The following EML4 variants were observed in gnomAD, a reference collection of about 807,000 sequenced individuals.
EML4 encodes the protein echinoderm microtubule-associated protein-like 4.
EML4 carries 72 observed loss-of-function variants against 129.0 expected under a neutral mutation model. The observed-to-expected ratio is 0.56, with a 90% CI of 0.46 to 0.68. The LOEUF (loss-of-function observed/expected upper bound fraction) is 0.68, where lower values mean the gene tolerates loss of function less well. EML4 is among the 30% of genes least tolerant of loss of function. EML4 has a pLI of 0.00. For missense variants in EML4, 1,363 were observed against 1,190.6 expected (o/e 1.14, Z -2.13); for synonymous variants, 532 against 405.0 (o/e 1.31, Z -3.77).
intron 1 of EML4, among the ~76,000 whole-genome samples, chr2:42,174,646 G>C (rs747863287): frequency 6.6e-6 from 1 of 151,966 alleles, no homozygotes; most frequent in South Asian, 2.1e-4. Flanking sequence ...GCTGTCTTAG[G>C]CTTTTATAAT....
intron 13 of EML4, among the ~76,000 whole-genome samples, chr2:42,296,477 T>TC (rs1553388818): frequency 0.23 from 34,717 of 148,790 alleles, 4,301 homozygotes; most frequent in East Asian, 0.49. Flanking sequence ...CACCTTATAC[T>TC]TCTCTCTCTC....
rs1446031611 is a variant in EML4, at chr2:42,272,236, A to C, written c.667+7505A>C. Among the ~76,000 whole-genome samples, 3 of 152,350 alleles carry C rather than the reference A, an allele frequency of 2.0e-5. No individual in the cohort carries two copies. The East Asian group carries it at 5.8e-4, about 29-fold the overall frequency. On this transcript the variant is annotated intron_variant, in intron 6 of 22. Coordinates refer to ENST00000318522, the MANE Select transcript of EML4 (RefSeq NM_019063.5). Reference sequence around the variant, plus strand: ...GGAAGAGTTGCGGTTGATCAGTGGCATATACCAAGATTTCAAGGAAAAAGC... The same window carrying C: ...GGAAGAGTTGCGGTTGATCAGTGGCCTATACCAAGATTTCAAGGAAAAAGC...
intron 6 of EML4, 138 bp from the exon 7 acceptor site, chr2:42,280,712 A>T (rs1666955716): frequency 3.1e-6 from 2 of 649,298 alleles, no homozygotes; most frequent in Non-Finnish European, 5.1e-6. Context: ...TATATAACAA[A>T]AACAATTGTA....
At chr2:42,174,652 A>G (rs1361194380) in intron 1 of EML4, among the ~76,000 whole-genome samples, 1 of 152,126 alleles carries the variant, frequency 6.6e-6, no homozygotes, top group Non-Finnish European at 1.5e-5. Context: ...TTAGGCTTTT[A>G]TAATACCTTA....
Position 42,263,253 on chromosome 2 carries a change from G to A in EML4, c.588G>A (p.Ser196=), listed in dbSNP as rs146405197. 1.3e-3 allele frequency: 2,082 copies of A among 1,613,102 alleles called. 29 individuals are homozygous for A. Among genetic ancestry groups the A allele is most frequent in the Non-Finnish European group, 7.2e-4 (855 of 1,179,708 alleles). Residue 196 remains serine, a synonymous_variant, in exon 5 of 23, where the codon TCG becomes TCA. Transcript: ENST00000318522. ...CAGATGATAGCCGTAATAAATTGTC[G>A]AAAATACCTTCAACACCCAAATTAA... ...ENSDDSRNKL[S]KIPSTPKLIP...
intron 1 of EML4, among the ~76,000 whole-genome samples, chr2:42,198,827 T>C (rs1173301690): frequency 1.3e-5 from 2 of 152,220 alleles, no homozygotes; most frequent in African/African-American, 4.8e-5. Context: ...TGTGTGTATG[T>C]ATTCTCATTC....
intron 1 of EML4, among the ~76,000 whole-genome samples, chr2:42,235,186 C>A (rs987794517): frequency 1.8e-4 from 28 of 152,026 alleles, no homozygotes; most frequent in African/African-American, 6.8e-4. Flanking sequence ...ATCCCAGCTA[C>A]CCGGGAGGCT....
chr2:42,291,629 C>T (rs1405838535), intron 11 of EML4, among the ~76,000 whole-genome samples: 1 of 152,084 alleles, frequency 6.6e-6, no homozygotes, highest in African/African-American at 2.4e-5. Context: ...TGGTCTCAAA[C>T]TCCTGATCTC....
chr2:42,231,472 C>A (rs1272049115), intron 1 of EML4, among the ~76,000 whole-genome samples: 1 of 152,208 alleles, frequency 6.6e-6, no homozygotes, highest in Non-Finnish European at 1.5e-5. Context: ...TCCAAAACCA[C>A]ACATCTTTCT....
At chr2:42,176,209 G>A (rs1195096596) in intron 1 of EML4, among the ~76,000 whole-genome samples, 1 of 152,028 alleles carries the variant, frequency 6.6e-6, no homozygotes, top group Non-Finnish European at 1.5e-5. Context: ...TTTGCCTAGG[G>A]CATTAGAATC....
At chr2:42,237,540 G>A (rs1227878884) in intron 1 of EML4, among the ~76,000 whole-genome samples, 2 of 152,016 alleles carry the variant, frequency 1.3e-5, no homozygotes, top group Non-Finnish European at 2.9e-5. Flanking sequence ...GAATAACATG[G>A]GGGTTTGGGG....
Position 42,330,747 on chromosome 2 carries a change from G to A in EML4, c.*540G>A. 1 of 223,978 alleles carries A rather than the reference G, an allele frequency of 4.5e-6. No individual in the cohort carries two copies. The highest frequency in any genetic ancestry group is 2.3e-5 in the African/African-American group (1 of 43,966). 13.9% of individuals were successfully genotyped at this position (223,978 alleles called of 1,614,324 possible). On this transcript the variant is annotated 3_prime_UTR_variant, in exon 23 of 23. Coordinates refer to ENST00000318522, the MANE Select transcript of EML4 (RefSeq NM_019063.5). Reference sequence around the variant, plus strand: ...AACTTCAGTTTTGCCAAGTGCAATGGTGTTGCCTTCTTTAAAAAATGCCGT... The same window carrying A: ...AACTTCAGTTTTGCCAAGTGCAATGATGTTGCCTTCTTTAAAAAATGCCGT...
At chr2:42,233,867 A>G (rs1163473537) in intron 1 of EML4, among the ~76,000 whole-genome samples, 1 of 152,222 alleles carries the variant, frequency 6.6e-6, no homozygotes, top group East Asian at 1.9e-4. Flanking sequence ...GCTACTTTGT[A>G]TACACATTGT....
chr2:42,325,226 A>G (rs958349798), intron 19 of EML4: 3 of 576,968 alleles, frequency 5.2e-6, no homozygotes, highest in Non-Finnish European at 1.0e-5. Context: ...CTTTCTTGGA[A>G]GTGTCTAATA....
chr2:42,284,599 C>T lies in EML4; in HGVS notation c.942-35C>T, dbSNP rs565195860. 3 of 1,497,486 alleles carry T rather than the reference C, an allele frequency of 2.0e-6. 1 individual carries two copies. Among genetic ancestry groups the T allele is most frequent in the South Asian group, 2.3e-5 (2 of 85,490 alleles). 92.8% of individuals were successfully genotyped at this position (1,497,486 alleles called of 1,614,324 possible). A position where few individuals can be genotyped will look rare whatever the true frequency, so the allele number is the denominator to read the frequency against. ...AAGGTATTCTGTTGTTTCATGTTTC[C>T]TGTGTTTAAAATCATTCTTAATACT... On this transcript the variant is annotated intron_variant, in intron 8 of 22. Coordinates refer to ENST00000318522, the MANE Select transcript of EML4 (RefSeq NM_019063.5).
At chr2:42,245,005 A>C (rs921164344) in intron 1 of EML4, among the ~76,000 whole-genome samples, 60 of 151,810 alleles carry the variant, frequency 4.0e-4, no homozygotes, top group Non-Finnish European at 2.5e-4. Context: ...ACTTATTTTA[A>C]ATTAAGATAG....
At chr2:42,183,829 A>G (rs927659707) in intron 1 of EML4, among the ~76,000 whole-genome samples, 3 of 152,056 alleles carry the variant, frequency 2.0e-5, no homozygotes, top group African/African-American at 4.8e-5. Context: ...CTGTTTATCA[A>G]TCTGGATTCA....
chr2:42,303,177 G>A lies in EML4; in HGVS notation c.1715G>A (p.Arg572Gln). The A allele has an allele frequency of 6.2e-6, 10 of 1,614,098 alleles. No individual in the cohort carries two copies. Among genetic ancestry groups the A allele is most frequent in the South Asian group, 3.3e-5 (3 of 91,082 alleles). Residue 572 changes from arginine (R) to glutamine (Q), a missense_variant, in exon 15 of 23, where the codon CGA becomes CAA. Arg to Gln is a conservative substitution (Grantham distance 43). Coordinates refer to ENST00000318522, the MANE Select transcript of EML4 (RefSeq NM_019063.5). ...GATCAATTTTTAGTAGGCACATCAC[G>A]AAACTTTATTTTACGAGGAACATTT... ...KADQFLVGTS[R>Q]NFILRGTFND...
intron 1 of EML4, among the ~76,000 whole-genome samples, chr2:42,240,276 A>C (rs1009208436): frequency 1.3e-5 from 2 of 152,210 alleles, no homozygotes; most frequent in Non-Finnish European, 2.9e-5. Context: ...TTTTATTGTG[A>C]AATTCGAATA....
Sources: gnomAD v4.1 joint callset for allele counts (sites outside exome capture counted in the v4.1 genomes callset) on GRCh38, gnomAD v4.1.1 for gene constraint, MANE v1.5 for transcripts, NCBI Gene and HGNC (gene_info 2026-07-23, HGNC 2026-07-21) for gene names.